The following PARD3B variants were observed in gnomAD, a reference collection of about 807,000 sequenced individuals.
PARD3B encodes partitioning defective 3 homolog B.
In PARD3B, 103 loss-of-function variants were observed where a neutral mutation model predicts 130.2. That is an observed-to-expected ratio of 0.79 (90% CI 0.67 to 0.93). The LOEUF (loss-of-function observed/expected upper bound fraction) is 0.93, where lower values mean the gene tolerates loss of function less well. Ranked by LOEUF, PARD3B falls within the 40% of genes least tolerant of loss-of-function variation. PARD3B has a pLI of 0.00. For synonymous variants in PARD3B, 583 were observed against 553.2 expected, an observed-to-expected ratio of 1.05 and a Z score of -0.76; for missense variants, 1,609 against 1,499.2, an observed-to-expected ratio of 1.07 and a Z score of -1.21.
At chr2:205,050,762 G>T (rs1699134633) in intron 4 of PARD3B, among the ~76,000 whole-genome samples, 1 of 150,794 alleles carries the variant, frequency 6.6e-6, no homozygotes, top group South Asian at 2.1e-4. Flanking sequence ...TCTATTTGTG[G>T]TTCTTATTCT....
intron 2 of PARD3B, among the ~76,000 whole-genome samples, chr2:204,730,228 C>T (rs1218171006): frequency 1.3e-5 from 2 of 152,060 alleles, no homozygotes; most frequent in Non-Finnish European, 2.9e-5. Flanking sequence ...TCACCCACCA[C>T]CATGCTAATT....
At chr2:205,507,194 G>GGATTT (rs2050400247) in intron 21 of PARD3B, among the ~76,000 whole-genome samples, 1 of 25,334 alleles carries the variant, frequency 3.9e-5, no homozygotes, top group African/African-American at 9.2e-5. Flanking sequence ...GACAGGTGCA[G>GGATTT]TATTTTTTTT....
In PARD3B at chr2:204,967,919, C is replaced by T. The variant is rs559367050; in HGVS notation, c.394+2596C>T. 5.7e-4 allele frequency among the ~76,000 whole-genome samples: 86 copies of T among 152,134 alleles called. 5 individuals are homozygous for T. Among genetic ancestry groups the T allele is most frequent in the East Asian group, 9.7e-4 (5 of 5,160 alleles). ...CTGCTTAGGTGAAGAATGGGAGGGG[C>T]GGTGAGAGGAGTTTTGCAGCACCTG... On this transcript the variant is annotated intron_variant, in intron 3 of 22. Coordinates refer to ENST00000406610, the MANE Select transcript of PARD3B (RefSeq NM_001302769.2). This position sits in a 1 kb window ranked among gnomAD's most constrained non-coding sequence, Gnocchi z 4.4.
At chr2:204,563,214 G>GCT (rs1356690546) in intron 1 of PARD3B, among the ~76,000 whole-genome samples, 3 of 55,020 alleles carry the variant, frequency 5.5e-5, no homozygotes, top group Admixed American at 2.3e-4. Flanking sequence ...CCGTCTTCCC[G>GCT]CTGTCTCTCT....
Position 205,523,349 on chromosome 2 carries a change from A to G in PARD3B, c.3180+23318A>G, listed in dbSNP as rs561992391. On this transcript the variant is annotated intron_variant, in intron 21 of 22. Transcript: ENST00000406610. ...AACCTCCGCCTCCCAGGTTCTAGCA[A>G]TTCTTTGCCTCGGCCTCCTGAGTAG... is the stretch of plus-strand genomic sequence containing the variant. 4.6e-4 allele frequency among the ~76,000 whole-genome samples: 69 copies of G among 151,194 alleles called. No homozygotes were observed. The South Asian group carries it at 0.014, about 31-fold the overall frequency.
At chr2:205,227,176 A>G (rs577805830) in intron 15 of PARD3B, among the ~76,000 whole-genome samples, 8 of 152,244 alleles carry the variant, frequency 5.3e-5, no homozygotes, top group South Asian at 4.2e-4. Context: ...GAAATGTTCT[A>G]TGAACATCTA....
intron 3 of PARD3B, among the ~76,000 whole-genome samples, chr2:205,043,839 G>A (rs960557813): frequency 2.6e-5 from 4 of 151,362 alleles, no homozygotes; most frequent in African/African-American, 9.7e-5. Context: ...AAGTTTTAGG[G>A]TACATGTGCA....
chr2:204,998,492 GTA>G (rs1409181187), intron 3 of PARD3B, among the ~76,000 whole-genome samples: 1 of 63,594 alleles, frequency 1.6e-5, no homozygotes, highest in African/African-American at 6.8e-5. Flanking sequence ...TATAATATAT[GTA>G]TATATATGTG....
rs116239616 is a variant in PARD3B, at chr2:205,234,970, T to C, written c.2141-10808T>C. On this transcript the variant is annotated intron_variant, in intron 15 of 22. Coordinates refer to ENST00000406610, the MANE Select transcript of PARD3B (RefSeq NM_001302769.2). ...TCAAAGAAGGAAGCCAGAGAGAAAT[T>C]AGAAAGTATTTGAACTACATGAAAA... Among the ~76,000 whole-genome samples, 1,069 of 152,302 alleles carry C rather than the reference T, an allele frequency of 7.0e-3. 15 individuals carry two copies. The highest frequency in any genetic ancestry group is 0.024 in the African/African-American group (1,013 of 41,560).
intron 3 of PARD3B, among the ~76,000 whole-genome samples, chr2:204,975,571 T>G (rs1211450883): frequency 6.6e-6 from 1 of 152,242 alleles, no homozygotes; most frequent in Non-Finnish European, 1.5e-5. Context: ...GTGCCTAGTC[T>G]GGACGTACTT....
At chr2:205,081,791 G>A (rs1488741614) in intron 4 of PARD3B, among the ~76,000 whole-genome samples, 1 of 152,174 alleles carries the variant, frequency 6.6e-6, no homozygotes, top group Middle Eastern at 3.4e-3. Flanking sequence ...ACTAACAGTT[G>A]ATTAAATATT....
chr2:205,465,109 A>G (rs1208214808), intron 20 of PARD3B, among the ~76,000 whole-genome samples: 1 of 152,216 alleles, frequency 6.6e-6, no homozygotes, highest in Non-Finnish European at 1.5e-5. Flanking sequence ...TTACATTTTA[A>G]TCTATATGTT....
intron 2 of PARD3B, among the ~76,000 whole-genome samples, chr2:204,935,382 A>G (rs1688363493): frequency 6.7e-6 from 1 of 148,760 alleles, no homozygotes; most frequent in Non-Finnish European, 1.5e-5. Flanking sequence ...ACAAAAAAAA[A>G]AAAAAAATTA....
In PARD3B at chr2:205,421,922, T is replaced by G. The variant is rs1461082278; in HGVS notation, c.2742-18448T>G. 2.6e-5 allele frequency among the ~76,000 whole-genome samples: 4 copies of G among 152,222 alleles called. No individual in the cohort carries two copies. The highest frequency in any genetic ancestry group is 5.9e-5 in the Non-Finnish European group (4 of 68,042). ...CTTCTCTCTCAGACCTTGCTTTGTC[T>G]GTTTCCATCATCACATTATTGAGTG... On this transcript the variant is annotated intron_variant, in intron 19 of 22. Transcript: ENST00000406610. The surrounding 1 kb of genome is among the most constrained non-coding windows in gnomAD (Gnocchi z 5.1).
intron 22 of PARD3B, among the ~76,000 whole-genome samples, chr2:205,609,055 C>A (rs1184826246): frequency 6.6e-6 from 1 of 152,172 alleles, no homozygotes; most frequent in South Asian, 2.1e-4. Context: ...ATAATCATTT[C>A]TATAATATAG....
intron 2 of PARD3B, among the ~76,000 whole-genome samples, chr2:204,777,786 C>G (rs1479045128): frequency 6.6e-6 from 1 of 152,014 alleles, no homozygotes; most frequent in East Asian, 1.9e-4. Context: ...GCTCTGTATC[C>G]CTACCCAAAT....
At chr2:205,331,677 G>A (rs559058842) in intron 18 of PARD3B, among the ~76,000 whole-genome samples, 1 of 150,082 alleles carries the variant, frequency 6.7e-6, no homozygotes, top group Non-Finnish European at 1.5e-5. Flanking sequence ...CAGGTACTCA[G>A]GAGGCTGAGG....
chr2:205,173,565 A>C (rs572603335), intron 12 of PARD3B, among the ~76,000 whole-genome samples: 1 of 152,170 alleles, frequency 6.6e-6, no homozygotes, highest in Non-Finnish European at 1.5e-5. Context: ...TTGAGTAGTA[A>C]AGTTATATAC....
At chr2:204,926,355 A>T (rs1457308395) in intron 2 of PARD3B, among the ~76,000 whole-genome samples, 4 of 152,116 alleles carry the variant, frequency 2.6e-5, no homozygotes, top group South Asian at 2.1e-4. Context: ...GCAGCTAATT[A>T]TCATTTCTTC....
Sources: gnomAD v4.1 joint callset for allele counts (sites outside exome capture counted in the v4.1 genomes callset) on GRCh38, gnomAD v4.1.1 for gene constraint, Gnocchi (gnomAD v3.1) non-coding constraint, MANE v1.5 for transcripts, NCBI Gene and HGNC (gene_info 2026-07-23, HGNC 2026-07-21) for gene names.